Variants in ADGRB3 observed in about 807,000 individuals in gnomAD.
ADGRB3 encodes the protein adhesion G protein-coupled receptor B3.
Under a neutral mutation model 193.4 loss-of-function variants are expected in ADGRB3, and 37 were observed. The ratio of observed to expected loss-of-function variants is 0.19; its 90% confidence interval spans 0.15 to 0.25. The LOEUF (loss-of-function observed/expected upper bound fraction) is 0.25, where lower values mean the gene tolerates loss of function less well. Among genes scored for constraint, ADGRB3 ranks in the 10% least tolerant of loss-of-function variants. The pLI is 1.00. For missense variants in ADGRB3, 1,637 were observed against 1,852.9 expected, an observed-to-expected ratio of 0.88 and a Z score of 2.14; for synonymous variants, 690 against 644.2, an observed-to-expected ratio of 1.07 and a Z score of -1.08.
intron 3 of ADGRB3, among the ~76,000 whole-genome samples, chr6:68,709,161 T>C (rs532269933): frequency 6.6e-6 from 1 of 152,336 alleles, no homozygotes; most frequent in South Asian, 2.1e-4. Context: ...GCAAATGAGA[T>C]GTTATTGCAA....
chr6:69,123,551 G>C (rs1250742045), intron 17 of ADGRB3, among the ~76,000 whole-genome samples: 2 of 152,130 alleles, frequency 1.3e-5, no homozygotes, highest in Non-Finnish European at 2.9e-5. Flanking sequence ...GATAATAAAA[G>C]CTGCATCTGC....
chr6:68,765,071 A>G (rs535274117), intron 3 of ADGRB3, among the ~76,000 whole-genome samples: 89 of 152,328 alleles, frequency 5.8e-4, no homozygotes, highest in Non-Finnish European at 6.6e-4. Context: ...GAGTTTGTCT[A>G]TAGATTCTCA....
At chr6:68,966,491 T>G (rs1413080845) in intron 8 of ADGRB3, among the ~76,000 whole-genome samples, 1 of 152,156 alleles carries the variant, frequency 6.6e-6, no homozygotes, top group Non-Finnish European at 1.5e-5. Flanking sequence ...GTCACCTTCT[T>G]GGTTATTCCC....
intron 17 of ADGRB3, among the ~76,000 whole-genome samples, chr6:69,209,040 G>A (rs912845786): frequency 6.6e-6 from 1 of 152,156 alleles, no homozygotes; most frequent in Admixed American, 6.5e-5. Context: ...GGCCTCCACT[G>A]TGATTTACCT....
intron 8 of ADGRB3, among the ~76,000 whole-genome samples, chr6:68,960,181 T>C (rs1420194365): frequency 6.6e-6 from 1 of 152,170 alleles, no homozygotes; most frequent in African/African-American, 2.4e-5. Flanking sequence ...AGTTGGAACC[T>C]ACCATTTACA....
chr6:69,042,818 A>T (rs1341527112), intron 13 of ADGRB3, among the ~76,000 whole-genome samples: 3 of 152,234 alleles, frequency 2.0e-5, no homozygotes, highest in Non-Finnish European at 1.5e-5. Flanking sequence ...ATCAACATGA[A>T]AAATGATGCA....
chr6:68,949,137 G>T (rs1391710430), intron 6 of ADGRB3, among the ~76,000 whole-genome samples: 1 of 151,970 alleles, frequency 6.6e-6, no homozygotes, highest in East Asian at 1.9e-4. Context: ...AGAGATTTTG[G>T]AAGAAATAGG....
intron 17 of ADGRB3, among the ~76,000 whole-genome samples, chr6:69,163,774 T>A: frequency 6.6e-6 from 1 of 152,154 alleles, no homozygotes; most frequent in East Asian, 1.9e-4. Context: ...CTATACTTCA[T>A]ACAGAATTAT....
chr6:68,887,511 C>T (rs1234839986), intron 3 of ADGRB3, among the ~76,000 whole-genome samples: 5 of 152,048 alleles, frequency 3.3e-5, no homozygotes, highest in African/African-American at 7.2e-5. Flanking sequence ...GACAACATAA[C>T]GAGTTTCAAC....
chr6:69,178,143 T>A (rs1302905148), intron 17 of ADGRB3, among the ~76,000 whole-genome samples: 1 of 152,202 alleles, frequency 6.6e-6, no homozygotes, highest in East Asian at 1.9e-4. Flanking sequence ...ACTTGGAATA[T>A]ATGCATCTTT....
intron 17 of ADGRB3, among the ~76,000 whole-genome samples, chr6:69,206,368 T>C (rs1765541591): frequency 6.6e-6 from 1 of 152,024 alleles, no homozygotes; most frequent in Non-Finnish European, 1.5e-5. Context: ...ACTCAAATGT[T>C]AATCTCCTTT....
At chr6:69,144,391 GC>G (rs1316722766) in intron 17 of ADGRB3, among the ~76,000 whole-genome samples, 1 of 152,030 alleles carries the variant, frequency 6.6e-6, no homozygotes, top group Non-Finnish European at 1.5e-5. Flanking sequence ...CAATTTAGAT[GC>G]CCTTTATTTA....
chr6:69,295,909 A>T (rs1767805508), intron 20 of ADGRB3, among the ~76,000 whole-genome samples: 1 of 152,186 alleles, frequency 6.6e-6, no homozygotes, highest in Non-Finnish European at 1.5e-5. Context: ...CTTCTTATTC[A>T]CATAGCAGAA....
chr6:69,188,537 G>C (rs1161873642), intron 17 of ADGRB3, among the ~76,000 whole-genome samples: 1 of 152,096 alleles, frequency 6.6e-6, no homozygotes, highest in African/African-American at 2.4e-5. Flanking sequence ...GTGAACTCCT[G>C]ACCTCTGGTG....
At chr6:69,099,207 C>G (rs1297367699) in intron 17 of ADGRB3, among the ~76,000 whole-genome samples, 1 of 152,166 alleles carries the variant, frequency 6.6e-6, no homozygotes, top group African/African-American at 2.4e-5. Flanking sequence ...AATTCCCCCA[C>G]AGCAAAGAAT....
intron 6 of ADGRB3, among the ~76,000 whole-genome samples, chr6:68,952,873 A>G (rs1180133302): frequency 2.6e-5 from 4 of 152,180 alleles, no homozygotes; most frequent in Non-Finnish European, 5.9e-5. Context: ...TCAGATTTCT[A>G]ATATTAACAC....
chr6:69,297,340 A>ATCTC (rs386407481), intron 20 of ADGRB3, among the ~76,000 whole-genome samples: 41,723 of 110,572 alleles, frequency 0.38, 8,674 homozygotes, highest in East Asian at 0.84. Context: ...TTCTACTGAT[A>ATCTC]TCTCTCTCTC....
intron 10 of ADGRB3, among the ~76,000 whole-genome samples, chr6:68,988,138 A>G (rs1040193000): frequency 6.6e-6 from 1 of 152,166 alleles, no homozygotes; most frequent in African/African-American, 2.4e-5. Flanking sequence ...ATAGCGTTTT[A>G]GAGATTATAG....
intron 16 of ADGRB3, among the ~76,000 whole-genome samples, chr6:69,071,017 C>T (rs1310663602): frequency 6.6e-6 from 1 of 152,210 alleles, no homozygotes. Context: ...ACCTCTCTCT[C>T]TCTGCCCTTC....
Sources: allele counts gnomAD v4.1 joint callset (sites outside exome capture counted in the v4.1 genomes callset), GRCh38; gene constraint gnomAD v4.1.1; transcripts MANE v1.5; gene names NCBI Gene and HGNC (gene_info 2026-07-23, HGNC 2026-07-21).